GPLD1: variants seen among roughly 807,000 people sequenced by gnomAD.
GPLD1 encodes phosphatidylinositol-glycan-specific phospholipase D.
Under a neutral mutation model 112.6 loss-of-function variants are expected in GPLD1, and 84 were observed. The observed-to-expected ratio is 0.75, with a 90% confidence interval of 0.63 to 0.89. The LOEUF is 0.89. GPLD1 is among the 40% of genes least tolerant of loss of function. GPLD1 has a pLI of 0.00. For missense variants in GPLD1, 1,044 were observed against 1,051.5 expected, an observed-to-expected ratio of 0.99 and a Z score of 0.10; for synonymous variants, 386 against 403.8, an observed-to-expected ratio of 0.96 and a Z score of 0.53.
intron 2 of GPLD1, among the ~76,000 whole-genome samples, chr6:24,480,230 C>A (rs2127366892): frequency 6.6e-6 from 1 of 151,798 alleles, no homozygotes; most frequent in Non-Finnish European, 1.5e-5. Context: ...GTTTAAATTT[C>A]ATCTTCTTTC....
intron 24 of GPLD1, among the ~76,000 whole-genome samples, chr6:24,431,666 C>G (rs1035055593): frequency 3.3e-5 from 5 of 151,774 alleles, no homozygotes; most frequent in Non-Finnish European, 7.4e-5. Context: ...TCCCGAATAG[C>G]TGAGACTATA....
rs926365469 is a variant in GPLD1, at chr6:24,450,312, C to T, written c.1336-413G>A. Among the ~76,000 whole-genome samples the T allele has an allele frequency of 2.0e-5, 3 of 152,016 alleles. No individual in the cohort carries two copies. In the South Asian group the frequency reaches 6.2e-4, roughly 32 times the overall value. On this transcript the variant is annotated intron_variant, in intron 14 of 24. Coordinates refer to ENST00000230036, the MANE Select transcript of GPLD1 (RefSeq NM_001503.4). ...GGTCAGGAGTTCAAAACCAGCCTGG[C>T]CAACATAGTGAAACCCCATCTGTAC...
At chr6:24,484,898 G>T (rs1764320499) in intron 2 of GPLD1, among the ~76,000 whole-genome samples, 1 of 152,196 alleles carries the variant, frequency 6.6e-6, no homozygotes, top group Non-Finnish European at 1.5e-5. Flanking sequence ...AAGACTTAAT[G>T]TTATTAAATG....
chr6:24,449,323 C>G (rs1466926718), intron 15 of GPLD1, among the ~76,000 whole-genome samples: 1 of 152,062 alleles, frequency 6.6e-6, no homozygotes, highest in Non-Finnish European at 1.5e-5. Context: ...GTGGTCCCTG[C>G]TATGGTAGGA....
upstream of GPLD1, among the ~76,000 whole-genome samples, chr6:24,491,273 T>C (rs1581796719): frequency 6.6e-6 from 1 of 152,338 alleles, no homozygotes; most frequent in South Asian, 2.1e-4. Context: ...TCACAATTAT[T>C]AATTGGGACT....
At chr6:24,494,141 C>T (rs564347714), upstream of GPLD1, among the ~76,000 whole-genome samples, 1 of 152,120 alleles carries the variant, frequency 6.6e-6, no homozygotes, top group Non-Finnish European at 1.5e-5. Context: ...GTTGGTGACC[C>T]AACTTTAATC....
rs1303523693 is a variant in GPLD1, at chr6:24,446,827, A to T, written c.1820+11T>A. The stretch of plus-strand genomic sequence containing the variant: ...GTGTTCATGGTTCCCAGCCCCCAGC[A>T]TCAGCCTCACCTGCTGGCATTCTTC... On this transcript the variant is annotated intron_variant, in intron 18 of 24. Transcript: ENST00000230036. 1 of 1,612,388 alleles carries T rather than the reference A, an allele frequency of 6.2e-7. No homozygotes were observed. The highest frequency in any genetic ancestry group is 8.5e-7 in the Non-Finnish European group (1 of 1,179,252).
In GPLD1 at chr6:24,475,244, C is replaced by G. The variant is rs1329716880; in HGVS notation, c.331-13G>C. 7.7e-7 allele frequency: 1 copy of G among 1,302,294 alleles called. No individual in the cohort carries two copies. The highest frequency in any genetic ancestry group is 1.7e-5 in the Admixed American group (1 of 59,616). 80.7% of individuals were successfully genotyped at this position (1,302,294 alleles called of 1,614,324 possible). A position where few individuals can be genotyped will look rare whatever the true frequency, so the allele number is the denominator to read the frequency against. The stretch of plus-strand genomic sequence containing the variant: ...GTTTCTCTGTGTCCTGCCAAACAAG[C>G]AAATTAGAGTCATGTGTGTTTGGGT... On this transcript the variant is annotated splice_polypyrimidine_tract_variant and intron_variant, in intron 4 of 24. Transcript: ENST00000230036.
chr6:24,441,026 G>T (rs1762729737), intron 20 of GPLD1, among the ~76,000 whole-genome samples: 1 of 152,144 alleles, frequency 6.6e-6, no homozygotes, highest in African/African-American at 2.4e-5. Context: ...ATAGTGACTG[G>T]GCGCAGTGGC....
At chr6:24,482,437 CG>C (rs1406868488) in intron 2 of GPLD1, among the ~76,000 whole-genome samples, 1 of 144,742 alleles carries the variant, frequency 6.9e-6, no homozygotes, top group African/African-American at 2.7e-5. Flanking sequence ...CCGGTCACCA[CG>C]CCCAGCTAAT....
intron 15 of GPLD1, among the ~76,000 whole-genome samples, chr6:24,448,417 GA>G (rs557871056): frequency 2.1e-5 from 3 of 141,916 alleles, no homozygotes; most frequent in South Asian, 4.4e-4. Flanking sequence ...CTGTGTCCAC[GA>G]AAAAAACTTT....
chr6:24,441,732 T>C (rs1762751909), intron 20 of GPLD1, among the ~76,000 whole-genome samples: 1 of 152,212 alleles, frequency 6.6e-6, no homozygotes, highest in Non-Finnish European at 1.5e-5. Flanking sequence ...AGGCACTGCA[T>C]TTCGAAAGGA....
At chr6:24,437,424 G>A (rs891577738) in intron 20 of GPLD1, 135 bp from the exon 21 acceptor site, 18 of 737,612 alleles carry the variant, frequency 2.4e-5, no homozygotes, top group Middle Eastern at 3.5e-4. Flanking sequence ...GGTCATCTCC[G>A]GCAGTCAGGG....
intron 14 of GPLD1, among the ~76,000 whole-genome samples, chr6:24,451,431 T>A (rs935314244): frequency 6.6e-6 from 1 of 152,140 alleles, no homozygotes. Flanking sequence ...CTCCGCCTCC[T>A]GGGTTCAAGC....
In GPLD1 at chr6:24,440,516, C is replaced by T. The variant is rs1408833603; in HGVS notation, c.2021-3227G>A. 1.4e-4 allele frequency among the ~76,000 whole-genome samples: 19 copies of T among 132,500 alleles called. No individual in the cohort carries two copies. In the Admixed American group the frequency reaches 1.6e-3, roughly 11 times the overall value. 86.9% of individuals were successfully genotyped at this position (132,500 alleles called of 152,430 possible). The stretch of plus-strand genomic sequence containing the variant: ...CAGCTTTCAGGATTACTGCAAAAGT[C>T]AAAACTATGAAGATGTCAAGAAGAT... On this transcript the variant is annotated intron_variant, in intron 20 of 24. Coordinates refer to ENST00000230036, the MANE Select transcript of GPLD1 (RefSeq NM_001503.4).
At chr6:24,445,477 C>G (rs545492664) in intron 20 of GPLD1, 69 bp downstream of exon 20, 72 of 975,314 alleles carry the variant, frequency 7.4e-5, no homozygotes, top group Non-Finnish European at 1.1e-4. Context: ...TCATCACTTT[C>G]CTCCAATACG....
In GPLD1 at chr6:24,425,943, T is replaced by A. The variant is rs1228402717; in HGVS notation, c.*3089A>T. 4 of 152,186 alleles carry A rather than the reference T, an allele frequency of 2.6e-5. No homozygotes were observed. Among genetic ancestry groups the A allele is most frequent in the Non-Finnish European group, 5.9e-5 (4 of 68,032 alleles). The allele number at this position is 152,186 out of a possible 1,614,324, so 9.4% of individuals were successfully genotyped here. ...CACGTTGGATTTAACTCTCATGACT[T>A]TAGTAATACCTACAGAGGTGAGCTA... On this transcript the variant is annotated 3_prime_UTR_variant, in exon 25 of 25. Transcript: ENST00000230036.
chr6:24,446,129 A>G (rs1256484476), intron 18 of GPLD1, among the ~76,000 whole-genome samples: 1 of 152,030 alleles, frequency 6.6e-6, no homozygotes, highest in Non-Finnish European at 1.5e-5. Context: ...CCCGATCCCT[A>G]CACTGAAGCC....
chr6:24,440,471 T>C (rs888554664), intron 20 of GPLD1, among the ~76,000 whole-genome samples: 5 of 150,822 alleles, frequency 3.3e-5, no homozygotes, highest in Non-Finnish European at 7.4e-5. Flanking sequence ...AATTATCAAC[T>C]GTAAGTTACT....
Sources: gnomAD v4.1 joint callset for allele counts (sites outside exome capture counted in the v4.1 genomes callset) on GRCh38, gnomAD v4.1.1 for gene constraint, MANE v1.5 for transcripts, NCBI Gene and HGNC (gene_info 2026-07-23, HGNC 2026-07-21) for gene names.